Variants in RAB40B observed in about 807,000 individuals in gnomAD.
RAB40B encodes the protein ras-related protein Rab-40B.
A neutral mutation model predicts 24.0 loss-of-function variants in RAB40B; 21 were observed. The ratio of observed to expected loss-of-function variants is 0.88; its 90% CI spans 0.62 to 1.26. The LOEUF is 1.26. Among genes scored for constraint, RAB40B ranks in the 50% most tolerant of loss-of-function variants. The probability of loss-of-function intolerance (pLI) is 0.00; values close to 1 mark genes in which losing one functional copy is unlikely to be tolerated. For missense variants in RAB40B, 348 were observed against 390.5 expected (o/e 0.89, Z 0.92); for synonymous variants, 167 against 169.8 (o/e 0.98, Z 0.13).
chr17:82,688,573 G>A (rs1024537389), intron 1 of RAB40B, among the ~76,000 whole-genome samples: 4 of 151,698 alleles, frequency 2.6e-5, no homozygotes, highest in South Asian at 2.1e-4. Flanking sequence ...CTAAGAACAC[G>A]CCACAGCACT....
chr17:82,678,878 C>CTTTTT (rs2046420370), intron 1 of RAB40B, among the ~76,000 whole-genome samples: 1 of 91,500 alleles, frequency 1.1e-5, no homozygotes, highest in African/African-American at 4.2e-5. Context: ...TCCCTTTCTG[C>CTTTTT]GTTTTTTTTT....
At chr17:82,659,916 A>C (rs1266263335) in intron 3 of RAB40B, among the ~76,000 whole-genome samples, 1 of 152,240 alleles carries the variant, frequency 6.6e-6, no homozygotes, top group Non-Finnish European at 1.5e-5. Flanking sequence ...CACAGGATGC[A>C]GGGGCACCGC....
rs750611341 is a variant in RAB40B, at chr17:82,663,053, C to T, written c.203+1443G>A. On this transcript the variant is annotated intron_variant, in intron 2 of 5. Transcript: ENST00000571995. The surrounding 1 kb of genome is among the most constrained non-coding windows in gnomAD (Gnocchi z 6.2). ...GAGGAGGCAGCAAAGGCCCAGCTGG[C>T]GGAGGGTGGGGAGCAGGACAGGGGC... 6.6e-6 allele frequency among the ~76,000 whole-genome samples: 1 copy of T among 151,932 alleles called. No individual in the cohort carries two copies. The highest frequency in any genetic ancestry group is 2.4e-5 in the African/African-American group (1 of 41,360).
chr17:82,658,797 G>A, intron 4 of RAB40B, 84 bp from the exon 5 acceptor site: 1 of 1,277,964 alleles, frequency 7.8e-7, no homozygotes. Context: ...CTGGGTCGAG[G>A]AACCCCCCAC....
At position 82,663,776 on chromosome 17, in the gene RAB40B, C is replaced by T. The variant is rs112519498; in HGVS notation, c.203+720G>A. On this transcript the variant is annotated intron_variant, in intron 2 of 5. Transcript: ENST00000571995. This position sits in a 1 kb window ranked among gnomAD's most constrained non-coding sequence, Gnocchi z 6.2. ...CAGGAGCCCCGGGCTGCCTCAACCA[C>T]GCTGCATCGGTCCCCTCTTGGCATC... is the stretch of plus-strand genomic sequence containing the variant. Among the ~76,000 whole-genome samples, 52 of 152,306 alleles carry T rather than the reference C, an allele frequency of 3.4e-4. No homozygotes were observed. The highest frequency in any genetic ancestry group is 1.1e-3 in the African/African-American group (46 of 41,572).
At chr17:82,665,531 G>A (rs1430951241) in intron 1 of RAB40B, among the ~76,000 whole-genome samples, 1 of 152,076 alleles carries the variant, frequency 6.6e-6, no homozygotes, top group Non-Finnish European at 1.5e-5. Context: ...TGGCATTACA[G>A]GCATAAGCCA....
intron 4 of RAB40B, 109 bp from the exon 5 acceptor site, chr17:82,658,822 C>A: frequency 1.0e-6 from 1 of 975,748 alleles, no homozygotes; most frequent in Non-Finnish European, 1.5e-6. Context: ...TCATGTCCAC[C>A]CAGAACCTCA....
chr17:82,673,007 C>G (rs1157138936), intron 1 of RAB40B, among the ~76,000 whole-genome samples: 1 of 152,168 alleles, frequency 6.6e-6, no homozygotes, highest in Non-Finnish European at 1.5e-5. Flanking sequence ...AGTTTGAGAG[C>G]AGCCTGACCA....
chr17:82,695,086 C>T lies in RAB40B; in HGVS notation c.142+3369G>A, dbSNP rs75272178. Among the ~76,000 whole-genome samples the T allele has an allele frequency of 1.4e-4, 22 of 151,846 alleles. No homozygotes were observed. The East Asian group carries it at 4.0e-3, about 28-fold the overall frequency. ...ACAATACAGAAGCAAGGGCTATAAA[C>T]CTGGACAATATAAAAATAACAGCCT... On this transcript the variant is annotated intron_variant, in intron 1 of 5. Transcript: ENST00000571995.
chr17:82,679,388 T>C (rs1004819690), intron 1 of RAB40B, among the ~76,000 whole-genome samples: 17 of 151,532 alleles, frequency 1.1e-4, no homozygotes, highest in African/African-American at 4.1e-4. Flanking sequence ...TTCACGCCAT[T>C]CTCCTGCCTC....
intron 2 of RAB40B, chr17:82,661,342 C>T (rs1429600033): frequency 1.9e-6 from 2 of 1,073,402 alleles, no homozygotes; most frequent in African/African-American, 1.6e-5. Flanking sequence ...CTTTAAAAAA[C>T]TTGTTGAATC....
intron 3 of RAB40B, among the ~76,000 whole-genome samples, chr17:82,660,012 A>G (rs766432329): frequency 1.3e-5 from 2 of 152,238 alleles, no homozygotes; most frequent in Non-Finnish European, 2.9e-5. Context: ...GAGCTCACGC[A>G]CACACAGGCA....
At chr17:82,698,287 C>T (rs1353148675) in intron 1 of RAB40B, among the ~76,000 whole-genome samples, 168 bp downstream of exon 1, 1 of 151,666 alleles carries the variant, frequency 6.6e-6, no homozygotes, top group East Asian at 1.9e-4. Context: ...AGCCCCGCGC[C>T]CCCGGACCGG....
Position 82,667,805 on chromosome 17 carries a change from G to A in RAB40B, c.143-3249C>T, listed in dbSNP as rs2046276664. On this transcript the variant is annotated intron_variant, in intron 1 of 5. Coordinates refer to ENST00000571995, the MANE Select transcript of RAB40B (RefSeq NM_006822.3). The surrounding 1 kb of genome is among the most constrained non-coding windows in gnomAD (Gnocchi z 4.3). ...CAGACGCCACCTGCCCCGTGATGAG[G>A]CTCAGACAGAGCGGCCAAGCAGTCC... Among the ~76,000 whole-genome samples the A allele has an allele frequency of 6.6e-6, 1 of 152,152 alleles. No individual in the cohort carries two copies. Among genetic ancestry groups the A allele is most frequent in the Admixed American group, 6.6e-5 (1 of 15,266 alleles).
chr17:82,661,534 C>T (rs2046172598), intron 2 of RAB40B, among the ~76,000 whole-genome samples: 1 of 152,082 alleles, frequency 6.6e-6, no homozygotes, highest in Admixed American at 6.6e-5. Context: ...CTTGAGTTCT[C>T]AGATGACGGC....
At chr17:82,676,905 C>T (rs564470692) in intron 1 of RAB40B, among the ~76,000 whole-genome samples, 7 of 151,442 alleles carry the variant, frequency 4.6e-5, no homozygotes, top group African/African-American at 1.5e-4. Flanking sequence ...GGATTATAGG[C>T]GTGAGCTACC....
intron 1 of RAB40B, among the ~76,000 whole-genome samples, chr17:82,694,548 TACACACACACATAC>T (rs2046589359): frequency 7.0e-6 from 1 of 142,228 alleles, no homozygotes; most frequent in Non-Finnish European, 1.5e-5. Flanking sequence ...AAAAAATACA[TACACACACACATAC>T]ACACACACAC....
intron 2 of RAB40B, among the ~76,000 whole-genome samples, chr17:82,661,542 G>A (rs916850744): frequency 1.3e-5 from 2 of 152,090 alleles, no homozygotes; most frequent in East Asian, 1.9e-4. Flanking sequence ...CTCAGATGAC[G>A]GCACACGCAG....
rs886313236 is a variant in RAB40B, at chr17:82,663,761, G to A, written c.203+735C>T. On this transcript the variant is annotated intron_variant, in intron 2 of 5. Transcript: ENST00000571995. This position sits in a 1 kb window ranked among gnomAD's most constrained non-coding sequence, Gnocchi z 6.2. ...CAGGCGTGGGGGACCCAGGAGCCCC[G>A]GGCTGCCTCAACCACGCTGCATCGG... Among the ~76,000 whole-genome samples the A allele has an allele frequency of 2.0e-5, 3 of 152,266 alleles. No individual in the cohort carries two copies. Among genetic ancestry groups the A allele is most frequent in the East Asian group, 1.9e-4 (1 of 5,168 alleles).
Sources: allele counts gnomAD v4.1 joint callset (sites outside exome capture counted in the v4.1 genomes callset), GRCh38; gene constraint gnomAD v4.1.1; non-coding constraint Gnocchi (gnomAD v3.1); transcripts MANE v1.5; gene names NCBI Gene and HGNC (gene_info 2026-07-23, HGNC 2026-07-21).